Variants in MKKS observed in about 807,000 individuals in gnomAD.
The protein encoded by MKKS is MKKS centrosomal shuttling protein.
A neutral mutation model predicts 33.2 loss-of-function variants in MKKS; 29 were observed. The observed-to-expected ratio is 0.87, with a 90% CI of 0.65 to 1.19. The LOEUF (loss-of-function observed/expected upper bound fraction) is 1.19. Among genes scored for constraint, MKKS ranks in the 50% most tolerant of loss-of-function variants. The probability of loss-of-function intolerance (pLI) is 0.00; values close to 1 mark genes in which losing one functional copy is unlikely to be tolerated. For missense variants in MKKS, 661 were observed against 662.3 expected, an observed-to-expected ratio of 1.00 and a Z score of 0.02; for synonymous variants, 260 against 244.0, an observed-to-expected ratio of 1.07 and a Z score of -0.61.
intron 1 of MKKS, 35 bp from the exon 2 acceptor site, chr20:10,420,793 C>T (rs573947815): frequency 6.6e-6 from 1 of 152,348 alleles, no homozygotes; most frequent in East Asian, 1.9e-4. Context: ...AAAAAAACCA[C>T]TAAAACCCAT....
intron 1 of MKKS, chr20:10,431,976 G>A (rs901018942): frequency 2.6e-5 from 4 of 152,260 alleles, no homozygotes; most frequent in Non-Finnish European, 5.9e-5. Flanking sequence ...CTACCTTTGT[G>A]ATGAATGCTG....
At chr20:10,432,619 AC>A (rs1463262574) in intron 1 of MKKS, among the ~76,000 whole-genome samples, 1 of 151,874 alleles carries the variant, frequency 6.6e-6, no homozygotes, top group South Asian at 2.1e-4. Context: ...ATGGCGAAAC[AC>A]CATCTCTACT....
chr20:10,403,220 G>A lies in MKKS; in HGVS notation c.*2027C>T, dbSNP rs1013320958. ...TCCATTGAGAGAGAAGGCATCAAGA[G>A]ACAAACTCATCTTTTTACCACCAAA... On this transcript the variant is annotated 3_prime_UTR_variant, in exon 6 of 6. Transcript: ENST00000347364. 2.0e-5 allele frequency: 3 copies of A among 152,196 alleles called. No homozygotes were observed. The highest frequency in any genetic ancestry group is 2.9e-5 in the Non-Finnish European group (2 of 68,080). 9.4% of individuals were successfully genotyped at this position (152,196 alleles called of 1,614,324 possible).
intron 1 of MKKS, among the ~76,000 whole-genome samples, chr20:10,432,789 C>CAAAAAAAAAA (rs71184200): frequency 4.0e-5 from 3 of 74,588 alleles, no homozygotes; most frequent in Admixed American, 1.9e-4. Flanking sequence ...GACTCTTTGT[C>CAAAAAAAAAA]AAAAAAAAAA....
chr20:10,422,014 A>G (rs975649667), intron 1 of MKKS, among the ~76,000 whole-genome samples: 10 of 152,268 alleles, frequency 6.6e-5, no homozygotes, highest in Admixed American at 3.9e-4. Context: ...TCTAAATGCC[A>G]TTAGAAAAAG....
chr20:10,420,823 T>A (rs2064975360), intron 1 of MKKS, 65 bp from the exon 2 acceptor site: 1 of 152,218 alleles, frequency 6.6e-6, no homozygotes, highest in Non-Finnish European at 1.5e-5. Flanking sequence ...TTAATTACAT[T>A]TCTAAATCAC....
chr20:10,423,210 G>A (rs2064993404), intron 1 of MKKS, among the ~76,000 whole-genome samples: 1 of 152,108 alleles, frequency 6.6e-6, no homozygotes, highest in Non-Finnish European at 1.5e-5. Context: ...AGCCTGAGGT[G>A]GGCGGATCAC....
chr20:10,427,494 C>T (rs1405493413), intron 1 of MKKS, among the ~76,000 whole-genome samples: 22 of 152,110 alleles, frequency 1.4e-4, no homozygotes, highest in Non-Finnish European at 1.6e-4. Flanking sequence ...TGTACTATGC[C>T]TTTTCTTTTA....
intron 1 of MKKS, among the ~76,000 whole-genome samples, chr20:10,421,702 G>C (rs1422900247): frequency 6.6e-6 from 1 of 151,800 alleles, no homozygotes; most frequent in African/African-American, 2.4e-5. Flanking sequence ...TAACTTACAG[G>C]GTTATCGACC....
At chr20:10,411,347 A>C (rs1487141742) in intron 3 of MKKS, among the ~76,000 whole-genome samples, 2 of 151,962 alleles carry the variant, frequency 1.3e-5, no homozygotes, top group Non-Finnish European at 2.9e-5. Context: ...TCCTTGGCTC[A>C]AGTAATCCTC....
At chr20:10,411,654 CT>C (rs147277602) in intron 3 of MKKS, among the ~76,000 whole-genome samples, 6,127 of 152,248 alleles carry the variant, frequency 0.04, 405 homozygotes, top group African/African-American at 0.14. Context: ...CATATGGCTC[CT>C]TTTTGATAAT....
rs1489672562 is a variant in MKKS at position 10,412,731 on chromosome 20, C to A, written c.784G>T (p.Val262Phe). 1 of 1,614,174 alleles carries A rather than the reference C, an allele frequency of 6.2e-7. No homozygotes were observed. Among genetic ancestry groups the A allele is most frequent in the Non-Finnish European group, 8.5e-7 (1 of 1,180,024 alleles). Residue 262 changes from valine (V) to phenylalanine (F), a missense_variant, in exon 3 of 6, where the codon GTC (valine) becomes TTC (phenylalanine). Val to Phe is a conservative substitution (Grantham distance 50, BLOSUM62 -1). Coordinates refer to ENST00000347364, the MANE Select transcript of MKKS (RefSeq NM_170784.3). ...TSDTGEGTVV[V>F]SYGVSLENAV... ...TTTTCAAGAGAAACCCCATAACTGACCACCACAGTTCCTTCTCCAGTGTCA... is the reference window on the plus strand; with the variant it reads ...TTTTCAAGAGAAACCCCATAACTGAACACCACAGTTCCTTCTCCAGTGTCA...
intron 1 of MKKS, among the ~76,000 whole-genome samples, chr20:10,428,754 G>T (rs562184716): frequency 6.6e-6 from 1 of 152,134 alleles, no homozygotes; most frequent in Non-Finnish European, 1.5e-5. Flanking sequence ...CAGGAGAATC[G>T]CTTGAATCCA....
intron 5 of MKKS, 96 bp downstream of exon 5, chr20:10,407,520 C>A (rs2064851385): frequency 9.3e-7 from 1 of 1,073,420 alleles, no homozygotes; most frequent in South Asian, 1.3e-5. Context: ...TTAAAACTAA[C>A]AAAAAGACTA....
chr20:10,425,991 GTCT>G (rs1247399586), intron 1 of MKKS, among the ~76,000 whole-genome samples: 1 of 152,154 alleles, frequency 6.6e-6, no homozygotes, highest in Non-Finnish European at 1.5e-5. Context: ...TTACTAAAAT[GTCT>G]TTTGTTAAGT....
At chr20:10,432,986 A>G (rs1364043991) in intron 1 of MKKS, among the ~76,000 whole-genome samples, 2 of 152,178 alleles carry the variant, frequency 1.3e-5, no homozygotes, top group African/African-American at 4.8e-5. Flanking sequence ...AGATGTAACC[A>G]TCTTTTTTCC....
At chr20:10,431,161 T>C (rs2065051286) in intron 1 of MKKS, among the ~76,000 whole-genome samples, 1 of 152,184 alleles carries the variant, frequency 6.6e-6, no homozygotes. Flanking sequence ...ACGAATCATA[T>C]ATAAAAATAG....
intron 3 of MKKS, among the ~76,000 whole-genome samples, chr20:10,409,009 A>G (rs1017194851): frequency 2.6e-5 from 4 of 152,194 alleles, no homozygotes; most frequent in African/African-American, 7.2e-5. Context: ...GTAAAGTAGA[A>G]GTTATTTTTG....
chr20:10,415,763 A>T (rs1211854776), intron 2 of MKKS, among the ~76,000 whole-genome samples: 1 of 152,256 alleles, frequency 6.6e-6, no homozygotes, highest in East Asian at 1.9e-4. Flanking sequence ...AATACTTAAT[A>T]GTGTCATGTA....
Sources: gnomAD v4.1 joint callset for allele counts (sites outside exome capture counted in the v4.1 genomes callset) on GRCh38, gnomAD v4.1.1 for gene constraint, MANE v1.5 for transcripts, NCBI Gene and HGNC (gene_info 2026-07-23, HGNC 2026-07-21) for gene names.